Variants in SLC24A3 observed in about 807,000 individuals in gnomAD.
SLC24A3 encodes the protein sodium/potassium/calcium exchanger 3.
Under a neutral mutation model 75.8 loss-of-function variants are expected in SLC24A3, and 28 were observed. The observed-to-expected ratio is 0.37, with a 90% CI of 0.27 to 0.51. SLC24A3 has a LOEUF of 0.51. Among genes scored for constraint, SLC24A3 ranks in the 20% least tolerant of loss-of-function variants. The pLI, the probability that SLC24A3 is intolerant of heterozygous loss-of-function variation, is 0.94. For synonymous variants in SLC24A3, 372 were observed against 334.1 expected (o/e 1.11, Z -1.24); for missense variants, 663 against 847.8 (o/e 0.78, Z 2.71).
chr20:19,359,796 G>A (rs978531819), intron 2 of SLC24A3, among the ~76,000 whole-genome samples: 2 of 152,140 alleles, frequency 1.3e-5, no homozygotes, highest in Non-Finnish European at 2.9e-5. Context: ...GTCCAAAATT[G>A]TTTGGGAGGT....
intron 2 of SLC24A3, among the ~76,000 whole-genome samples, chr20:19,281,297 G>T (rs931973968): frequency 2.6e-5 from 4 of 152,164 alleles, no homozygotes; most frequent in Non-Finnish European, 5.9e-5. Flanking sequence ...TGGAGCTGGG[G>T]GTAAGTCAGA....
chr20:19,249,738 A>C (rs1982595430), intron 1 of SLC24A3, among the ~76,000 whole-genome samples: 1 of 152,206 alleles, frequency 6.6e-6, no homozygotes, highest in African/African-American at 2.4e-5. Flanking sequence ...CTTTGAAAAA[A>C]AATCAGCATG....
intron 3 of SLC24A3, among the ~76,000 whole-genome samples, chr20:19,572,607 G>A (rs186045057): frequency 1.3e-5 from 2 of 152,138 alleles, no homozygotes; most frequent in Non-Finnish European, 2.9e-5. Flanking sequence ...GAAAGTCAAC[G>A]GAGCTCTCTA....
At chr20:19,555,960 G>T (rs886254819) in intron 3 of SLC24A3, among the ~76,000 whole-genome samples, 2 of 152,192 alleles carry the variant, frequency 1.3e-5, no homozygotes, top group Admixed American at 6.5e-5. Flanking sequence ...TCTCACAGTT[G>T]TGAAAGCTGG....
At chr20:19,228,358 G>A (rs117405370) in intron 1 of SLC24A3, among the ~76,000 whole-genome samples, 6,095 of 152,178 alleles carry the variant, frequency 0.04, 166 homozygotes, top group Non-Finnish European at 0.061. Context: ...AAAAAATCAG[G>A]GCCGGGCGCG....
intron 2 of SLC24A3, among the ~76,000 whole-genome samples, chr20:19,499,426 G>A (rs1490400499): frequency 3.3e-5 from 5 of 152,086 alleles, no homozygotes; most frequent in Admixed American, 6.6e-5. Context: ...GTATTCTCAC[G>A]TGACAGAGAG....
chr20:19,254,100 A>AT (rs1982740266), intron 1 of SLC24A3, among the ~76,000 whole-genome samples: 2 of 152,162 alleles, frequency 1.3e-5, no homozygotes, highest in East Asian at 1.9e-4. Context: ...GAAATTGGGG[A>AT]TTTTTTATGA....
At chr20:19,303,568 C>A (rs1177010759) in intron 2 of SLC24A3, among the ~76,000 whole-genome samples, 1 of 152,162 alleles carries the variant, frequency 6.6e-6, no homozygotes, top group Non-Finnish European at 1.5e-5. Flanking sequence ...CTGTTAATTT[C>A]TTTGAGGAAT....
At chr20:19,708,375 A>G (rs1229548526) in intron 15 of SLC24A3, among the ~76,000 whole-genome samples, 1 of 152,182 alleles carries the variant, frequency 6.6e-6, no homozygotes, top group African/African-American at 2.4e-5. Context: ...CAATGAACCC[A>G]TCAGTTCTTG....
rs373303031 is a variant in SLC24A3 at position 19,254,600 on chromosome 20, C to T, written c.143-26359C>T. Among the ~76,000 whole-genome samples, 357 of 152,276 alleles carry T rather than the reference C, an allele frequency of 2.3e-3. 9 individuals carry two copies. The South Asian group carries it at 0.059, about 25-fold the overall frequency. On this transcript the variant is annotated intron_variant, in intron 1 of 16. Coordinates refer to ENST00000328041, the MANE Select transcript of SLC24A3 (RefSeq NM_020689.4). ...CGTGATGACAAGTAATGATAACTCA[C>T]GAAGAAAAGGAAGAAAACTTTTTTT...
intron 3 of SLC24A3, among the ~76,000 whole-genome samples, chr20:19,546,403 C>T (rs1489916033): frequency 6.6e-6 from 1 of 152,140 alleles, no homozygotes; most frequent in Non-Finnish European, 1.5e-5. Context: ...TTCCTTCCTT[C>T]TCCCATCTTT....
intron 2 of SLC24A3, among the ~76,000 whole-genome samples, chr20:19,425,024 G>T (rs1986981546): frequency 6.6e-6 from 1 of 152,096 alleles, no homozygotes; most frequent in Non-Finnish European, 1.5e-5. Flanking sequence ...AAATTTTTGG[G>T]CTGGGCACAG....
chr20:19,302,272 G>A (rs760628184), intron 2 of SLC24A3, among the ~76,000 whole-genome samples: 8 of 152,182 alleles, frequency 5.3e-5, no homozygotes, highest in East Asian at 1.9e-4. Context: ...CTAGTAGATC[G>A]CCAAGCTGTA....
rs189389590 is a variant in SLC24A3, at chr20:19,447,477, A to C, written c.272-68011A>C. Among the ~76,000 whole-genome samples, 644 of 152,296 alleles carry C rather than the reference A, an allele frequency of 4.2e-3. 1 individual carries two copies. Among genetic ancestry groups the C allele is most frequent in the Middle Eastern group, 0.01 (3 of 294 alleles). On this transcript the variant is annotated intron_variant, in intron 2 of 16. Transcript: ENST00000328041. ...CCCAAGCAGTACGACTAGGGCCTGA[A>C]CAGGTGCAGTTATGGGAGGCAAAGT...
intron 2 of SLC24A3, among the ~76,000 whole-genome samples, chr20:19,403,807 A>C (rs1294215355): frequency 1.3e-5 from 2 of 152,254 alleles, no homozygotes; most frequent in Non-Finnish European, 2.9e-5. Context: ...CAGTGTAGCT[A>C]GAATGCAATT....
intron 2 of SLC24A3, among the ~76,000 whole-genome samples, chr20:19,364,148 A>G (rs1467284974): frequency 6.6e-6 from 1 of 152,016 alleles, no homozygotes; most frequent in Non-Finnish European, 1.5e-5. Flanking sequence ...TTCCAAGAGG[A>G]GATATCTGGT....
At chr20:19,395,560 A>G (rs1324189179) in intron 2 of SLC24A3, among the ~76,000 whole-genome samples, 1 of 152,246 alleles carries the variant, frequency 6.6e-6, no homozygotes, top group African/African-American at 2.4e-5. Context: ...TACAAATTAG[A>G]CAAGATAGTT....
rs1358487633 is a variant in SLC24A3, at chr20:19,453,647, G to T, written c.272-61841G>T. On this transcript the variant is annotated intron_variant, in intron 2 of 16. Coordinates refer to ENST00000328041, the MANE Select transcript of SLC24A3 (RefSeq NM_020689.4). ...GGTCAGTGTTGAAGTTCTACTTGAG[G>T]CATATTCACAAGATTTGCTTTAGAT... Among the ~76,000 whole-genome samples the T allele has an allele frequency of 2.6e-5, 4 of 152,214 alleles. No homozygotes were observed. The East Asian group carries it at 7.7e-4, about 29-fold the overall frequency.
At chr20:19,605,338 T>A (rs561957132) in intron 6 of SLC24A3, among the ~76,000 whole-genome samples, 2 of 149,868 alleles carry the variant, frequency 1.3e-5, no homozygotes, top group African/African-American at 4.9e-5. Context: ...ATTTTTTTTT[T>A]AATCACTTAC....
Sources: gnomAD v4.1 joint callset for allele counts (sites outside exome capture counted in the v4.1 genomes callset) on GRCh38, gnomAD v4.1.1 for gene constraint, MANE v1.5 for transcripts, NCBI Gene and HGNC (gene_info 2026-07-23, HGNC 2026-07-21) for gene names.